Variants in LTBP1 observed in about 807,000 individuals in gnomAD.
LTBP1 encodes the protein latent transforming growth factor beta binding protein 1.
LTBP1 carries 129 observed loss-of-function variants against 207.6 expected under a neutral mutation model. The ratio of observed to expected loss-of-function variants is 0.62; its 90% confidence interval spans 0.54 to 0.72. The LOEUF (loss-of-function observed/expected upper bound fraction) is 0.72. LTBP1 is among the 30% of genes least tolerant of loss of function. The pLI, the probability that LTBP1 is intolerant of heterozygous loss-of-function variation, is 0.00. For synonymous variants in LTBP1, 963 were observed against 833.7 expected, an observed-to-expected ratio of 1.16 and a Z score of -2.67; for missense variants, 2,281 against 2,217.2, an observed-to-expected ratio of 1.03 and a Z score of -0.58.
intron 2 of LTBP1, among the ~76,000 whole-genome samples, chr2:32,974,129 G>T (rs1023253296): frequency 6.6e-6 from 1 of 152,206 alleles, no homozygotes; most frequent in African/African-American, 2.4e-5. Flanking sequence ...AAATGGGATT[G>T]CTGGATCATA....
intron 8 of LTBP1, among the ~76,000 whole-genome samples, chr2:33,218,323 T>C (rs1399160958): frequency 6.6e-6 from 1 of 152,248 alleles, no homozygotes; most frequent in African/African-American, 2.4e-5. Context: ...TTTTTAATAC[T>C]CTATTCCTGA....
intron 31 of LTBP1, among the ~76,000 whole-genome samples, chr2:33,374,524 G>A (rs750698714): frequency 3.3e-5 from 5 of 152,318 alleles, no homozygotes; most frequent in Admixed American, 1.3e-4. Flanking sequence ...TCGAGTGGCC[G>A]TCATGCGGGC....
chr2:33,377,527 T>A (rs1301311487), intron 31 of LTBP1, among the ~76,000 whole-genome samples: 1 of 152,204 alleles, frequency 6.6e-6, no homozygotes, highest in Non-Finnish European at 1.5e-5. Flanking sequence ...GGAAAGTATT[T>A]GGCCACTCTC....
At chr2:32,952,876 C>T (rs1449101406) in intron 2 of LTBP1, among the ~76,000 whole-genome samples, 2 of 152,176 alleles carry the variant, frequency 1.3e-5, no homozygotes, top group African/African-American at 2.4e-5. Context: ...ATGGCAGATA[C>T]GAATCCAAAG....
rs770536450 is a variant in LTBP1, at chr2:33,398,468, G to T, written c.5089G>T (p.Val1697Leu). The T allele has an allele frequency of 6.8e-6, 11 of 1,614,086 alleles. No individual in the cohort carries two copies. In the Admixed American group the frequency reaches 1.7e-4, roughly 24 times the overall value. ...CAAGTGTTTGTGTCTGCCAGGCTAC[G>T]TGCCTTCTGACAAGCCAAACTACTG... is the stretch of plus-strand genomic sequence containing the variant. ...SYKCLCLPGY[V>L]PSDKPNYCTP... Residue 1697 changes from valine to leucine, a missense_variant, in exon 34 of 34, where the codon GTG becomes TTG. This residue lies in a region of LTBP1 where 1,671 missense variants were observed against 1,634.8 expected (regional missense o/e 1.02). Coordinates refer to ENST00000404816, the MANE Select transcript of LTBP1 (RefSeq NM_206943.4).
At chr2:33,000,602 G>A (rs80276440) in intron 2 of LTBP1, among the ~76,000 whole-genome samples, 3,304 of 135,388 alleles carry the variant, frequency 0.024, 754 homozygotes, top group Non-Finnish European at 0.038. Flanking sequence ...TGTGTAAGGC[G>A]GTCTCCTGTG....
intron 23 of LTBP1, among the ~76,000 whole-genome samples, chr2:33,311,610 CT>C (rs2094189596): frequency 6.7e-6 from 1 of 148,494 alleles, no homozygotes; most frequent in Admixed American, 6.7e-5. Context: ...AGTATATTTT[CT>C]TTTCTAATTC....
intron 9 of LTBP1, among the ~76,000 whole-genome samples, chr2:33,232,306 G>T (rs2091835661): frequency 6.6e-6 from 1 of 152,186 alleles, no homozygotes; most frequent in Admixed American, 6.5e-5. Context: ...CATACATGAA[G>T]TCAGAGCTAG....
intron 2 of LTBP1, among the ~76,000 whole-genome samples, chr2:32,969,126 A>T (rs185757856): frequency 9.1e-4 from 138 of 151,126 alleles, no homozygotes; most frequent in Non-Finnish European, 1.2e-3. Flanking sequence ...GGGTTTCACC[A>T]TGTTGGCCAG....
At chr2:33,266,564 C>T (rs868257127) in intron 15 of LTBP1, among the ~76,000 whole-genome samples, 1 of 152,116 alleles carries the variant, frequency 6.6e-6, no homozygotes, top group Admixed American at 6.6e-5. Flanking sequence ...TTTCTAGGCC[C>T]TCCATGATCA....
At chr2:33,015,881 A>C (rs776110337) in intron 2 of LTBP1, among the ~76,000 whole-genome samples, 4 of 152,132 alleles carry the variant, frequency 2.6e-5, no homozygotes, top group Non-Finnish European at 5.9e-5. Flanking sequence ...ACACTTTTGA[A>C]CAACCAGATC....
intron 3 of LTBP1, among the ~76,000 whole-genome samples, chr2:33,044,019 A>G (rs2076320834): frequency 6.6e-6 from 1 of 151,080 alleles, no homozygotes; most frequent in African/African-American, 2.4e-5. Flanking sequence ...CTCTATATTC[A>G]CAGTATAGAT....
rs755713899 is a variant in LTBP1 at position 33,342,853 on chromosome 2, T to C, written c.3746T>C (p.Val1249Ala). 19 of 1,613,994 alleles carry C rather than the reference T, an allele frequency of 1.2e-5. No individual in the cohort carries two copies. Among genetic ancestry groups the C allele is most frequent in the Non-Finnish European group, 1.6e-5 (19 of 1,179,910 alleles). Residue 1249 changes from valine to alanine, a missense_variant, in exon 25 of 34, where the codon GTA becomes GCA. This residue lies in a region of LTBP1 where 1,671 missense variants were observed against 1,634.8 expected (regional missense o/e 1.02). Coordinates refer to ENST00000404816, the MANE Select transcript of LTBP1 (RefSeq NM_206943.4). ...TTTTTTGCAGATATTGATGAATGTG[T>C]AAACAACACTGTTTGTGACAGTCAC... ...GRTCEDIDEC[V>A]NNTVCDSHGF... is the part of the protein sequence containing the mutation.
chr2:33,270,171 C>T (rs764277233), intron 15 of LTBP1, among the ~76,000 whole-genome samples: 6 of 151,812 alleles, frequency 4.0e-5, no homozygotes, highest in South Asian at 4.2e-4. Flanking sequence ...CCTCCCTTCT[C>T]GGCCTCCCAA....
intron 3 of LTBP1, among the ~76,000 whole-genome samples, chr2:33,103,253 T>C (rs1317329028): frequency 6.6e-6 from 1 of 151,770 alleles, no homozygotes; most frequent in Non-Finnish European, 1.5e-5. Context: ...GTATGCAGTC[T>C]CTATGTTGTA....
At chr2:33,378,015 C>G (rs529455967) in intron 31 of LTBP1, among the ~76,000 whole-genome samples, 1 of 152,254 alleles carries the variant, frequency 6.6e-6, no homozygotes, top group East Asian at 1.9e-4. Flanking sequence ...CAAAGTCAAA[C>G]CATATCAACA....
At chr2:33,202,022 AACACAC>A (rs10558832) in intron 7 of LTBP1, among the ~76,000 whole-genome samples, 59,698 of 140,474 alleles carry the variant, frequency 0.42, 12,680 homozygotes, top group Non-Finnish European at 0.48. Context: ...TTAGCACTGG[AACACAC>A]ACACACACAC....
Position 33,187,019 on chromosome 2 carries a change from G to T in LTBP1, c.1365G>T (p.Thr455=), listed in dbSNP as rs770308014. 2 of 1,614,144 alleles carry T rather than the reference G, an allele frequency of 1.2e-6. No homozygotes were observed. The highest frequency in any genetic ancestry group is 1.1e-5 in the South Asian group (1 of 91,082). ...AGCAGCCAGGCAAGGCGTTGGGGAC[G>T]CATGTCATCCATTCAACACATACCT... ...HSQQPGKALG[T]HVIHSTHTLP... Residue 455 remains threonine, a synonymous_variant, in exon 6 of 34, where the codon ACG becomes ACT. Transcript: ENST00000404816.
At chr2:33,335,158 A>C (rs2094540448) in intron 24 of LTBP1, among the ~76,000 whole-genome samples, 1 of 150,956 alleles carries the variant, frequency 6.6e-6, no homozygotes, top group African/African-American at 2.4e-5. Flanking sequence ...TGAAAGTAGT[A>C]CATCTCCATG....
Sources: allele counts gnomAD v4.1 joint callset (sites outside exome capture counted in the v4.1 genomes callset), GRCh38; gene constraint gnomAD v4.1.1; regional missense constraint gnomAD v4.1.1; transcripts MANE v1.5; gene names NCBI Gene and HGNC (gene_info 2026-07-23, HGNC 2026-07-21).